Variants in HRH4 observed in about 807,000 individuals in gnomAD.
The protein encoded by HRH4 is histamine receptor H4.
A neutral mutation model predicts 10.4 loss-of-function variants in HRH4; 12 were observed. The observed-to-expected ratio is 1.15, with a 90% confidence interval of 0.74 to 1.87. HRH4 has a LOEUF of 1.87. Ranked by LOEUF, HRH4 falls within the 40% of genes most tolerant of loss-of-function variation. The pLI is 0.00. For missense variants in HRH4, 415 were observed against 453.3 expected, an observed-to-expected ratio of 0.92 and a Z score of 0.77; for synonymous variants, 154 against 166.6, an observed-to-expected ratio of 0.92 and a Z score of 0.58.
chr18:24,476,792 C>G lies in HRH4; in HGVS notation c.403C>G (p.Leu135Val). 1 of 1,614,162 alleles carries G rather than the reference C, an allele frequency of 6.2e-7. No individual in the cohort carries two copies. Among genetic ancestry groups the G allele is most frequent in the Non-Finnish European group, 8.5e-7 (1 of 1,180,024 alleles). The change falls in exon 3 of 3, where the codon CTG (leucine) becomes GTG (valine). Residue 135 changes from leucine (L) to valine (V), a missense_variant. Physicochemically the swap from Leu to Val is conservative, Grantham distance 32. Transcript: ENST00000256906. Reference protein sequence around the residue: ...QHTGVLKIVTLMVAVWVLAFL... With the variant: ...QHTGVLKIVTVMVAVWVLAFL... ...TACTGGGGTCTTGAAGATTGTTACT[C>G]TGATGGTGGCCGTTTGGGTGCTGGC...
rs1056644879 is a variant in HRH4 at position 24,478,275 on chromosome 18, G to A, written c.*713G>A. 4.6e-5 allele frequency: 7 copies of A among 152,174 alleles called. No individual in the cohort carries two copies. The highest frequency in any genetic ancestry group is 7.2e-5 in the African/African-American group (3 of 41,432). The allele number at this position is 152,174 out of a possible 1,614,324, so 9.4% of individuals were successfully genotyped here. ...TTCTCTTTTTCTAGCTTCCACATCA[G>A]CTTCCTTTTTTGAGAACATATAGAA... is the stretch of plus-strand genomic sequence containing the variant. On this transcript the variant is annotated 3_prime_UTR_variant, in exon 3 of 3. Coordinates refer to ENST00000256906, the MANE Select transcript of HRH4 (RefSeq NM_021624.4).
chr18:24,466,633 GTTCTGAAA>G (rs1909784552), intron 1 of HRH4, among the ~76,000 whole-genome samples: 1 of 152,128 alleles, frequency 6.6e-6, no homozygotes, highest in Admixed American at 6.5e-5. Flanking sequence ...CCTTCCACTG[GTTCTGAAA>G]CCATGCCATT....
intron 1 of HRH4, among the ~76,000 whole-genome samples, chr18:24,466,287 ATTTTT>A (rs398032181): frequency 1.5e-5 from 2 of 129,212 alleles, no homozygotes; most frequent in Non-Finnish European, 3.2e-5. Context: ...TAATTTTTGT[ATTTTT>A]TTTTTTTTTT....
chr18:24,471,174 C>G (rs1028343097), intron 2 of HRH4, among the ~76,000 whole-genome samples: 10 of 151,890 alleles, frequency 6.6e-5, no homozygotes, highest in African/African-American at 2.4e-4. Context: ...GCGGAGAGTG[C>G]AGATCAGCTT....
At chr18:24,465,340 C>T (rs1465682832) in intron 1 of HRH4, among the ~76,000 whole-genome samples, 2 of 151,858 alleles carry the variant, frequency 1.3e-5, no homozygotes, top group African/African-American at 2.4e-5. Flanking sequence ...CAGAAGGCGC[C>T]CTTGGGGGAA....
intron 1 of HRH4, among the ~76,000 whole-genome samples, chr18:24,468,422 T>G (rs1033634777): frequency 2.0e-5 from 3 of 152,230 alleles, no homozygotes; most frequent in African/African-American, 7.2e-5. Flanking sequence ...GTTGTTATAC[T>G]GTAGTGTTTA....
intron 1 of HRH4, among the ~76,000 whole-genome samples, chr18:24,463,716 C>T (rs1357753393): frequency 1.3e-5 from 2 of 152,162 alleles, no homozygotes; most frequent in African/African-American, 4.8e-5. Context: ...AGAACTGGCC[C>T]TCTGCGGAGA....
intron 2 of HRH4, among the ~76,000 whole-genome samples, chr18:24,476,496 A>G (rs1303552841): frequency 6.6e-6 from 1 of 152,188 alleles, no homozygotes; most frequent in Admixed American, 6.6e-5. Flanking sequence ...ACTGGCCTTG[A>G]CATTTTCTAT....
At chr18:24,469,828 C>CG (rs1474120631) in intron 2 of HRH4, among the ~76,000 whole-genome samples, 1 of 151,994 alleles carries the variant, frequency 6.6e-6, no homozygotes, top group Non-Finnish European at 1.5e-5. Flanking sequence ...CTGCGTGTCG[C>CG]GGGGGTTTTG....
intron 1 of HRH4, among the ~76,000 whole-genome samples, chr18:24,461,728 C>T (rs1226678811): frequency 1.3e-5 from 2 of 151,098 alleles, no homozygotes; most frequent in Non-Finnish European, 2.9e-5. Context: ...AGTTCATTCC[C>T]TGGAATACAG....
In HRH4 at chr18:24,473,814, G is replaced by A. The variant is rs534291884; in HGVS notation, c.358-2933G>A. 1.2e-4 allele frequency among the ~76,000 whole-genome samples: 18 copies of A among 152,156 alleles called. No homozygotes were observed. The South Asian group carries it at 2.3e-3, about 19-fold the overall frequency. On this transcript the variant is annotated intron_variant, in intron 2 of 2. Coordinates refer to ENST00000256906, the MANE Select transcript of HRH4 (RefSeq NM_021624.4). ...ACCAACAAGTTCTAGTAGGCCGCTC[G>A]GCCTCACCAAAAAAACCTGATTGAC...
At chr18:24,463,967 G>A (rs1359075292) in intron 1 of HRH4, among the ~76,000 whole-genome samples, 1 of 152,132 alleles carries the variant, frequency 6.6e-6, no homozygotes, top group Non-Finnish European at 1.5e-5. Context: ...TTGTGTTGGC[G>A]TTTGTGGCCT....
chr18:24,470,770 C>T (rs1747005687), intron 2 of HRH4, among the ~76,000 whole-genome samples: 1 of 151,286 alleles, frequency 6.6e-6, no homozygotes. Context: ...TCCCAAAGTG[C>T]TGGGATTACA....
At chr18:24,465,505 C>G (rs577696306) in intron 1 of HRH4, among the ~76,000 whole-genome samples, 1 of 152,166 alleles carries the variant, frequency 6.6e-6, no homozygotes, top group East Asian at 1.9e-4. Context: ...TTTTCTTTTA[C>G]TTTTGTCTTA....
Position 24,477,474 on chromosome 18 carries a change from A to G in HRH4, c.1085A>G (p.His362Arg), listed in dbSNP as rs759476238. 15 of 1,612,738 alleles carry G rather than the reference A, an allele frequency of 9.3e-6. No individual in the cohort carries two copies. The highest frequency in any genetic ancestry group is 8.0e-5 in the African/African-American group (6 of 74,840). Residue 362 changes from histidine to arginine, a missense_variant, in exon 3 of 3, where the codon CAC becomes CGC. Coordinates refer to ENST00000256906, the MANE Select transcript of HRH4 (RefSeq NM_021624.4). ...AATCCTCTTTTGTATCCATTGTGTC[A>G]CAAGCGCTTTCAAAAGGCTTTCTTG... ...FVNPLLYPLC[H>R]KRFQKAFLKI...
rs985425265 is a variant in HRH4 at position 24,479,284 on chromosome 18, G to T, written c.*1722G>T. On this transcript the variant is annotated 3_prime_UTR_variant, in exon 3 of 3. Transcript: ENST00000256906. ...ACACCACAATAATTATTGCCTGTAT[G>T]TCAATTATTATTTTAAAATATTGTT... is the stretch of plus-strand genomic sequence containing the variant. 1 of 152,070 alleles carries T rather than the reference G, an allele frequency of 6.6e-6. No homozygotes were observed. The highest frequency in any genetic ancestry group is 2.4e-5 in the African/African-American group (1 of 41,406). 9.4% of individuals were successfully genotyped at this position (152,070 alleles called of 1,614,324 possible).
At chr18:24,464,724 A>G (rs568708614) in intron 1 of HRH4, among the ~76,000 whole-genome samples, 1 of 152,250 alleles carries the variant, frequency 6.6e-6, no homozygotes, top group South Asian at 2.1e-4. Flanking sequence ...TCATCCAACA[A>G]TTATTTCTTT....
At chr18:24,475,802 G>A (rs561754289) in intron 2 of HRH4, among the ~76,000 whole-genome samples, 5 of 152,248 alleles carry the variant, frequency 3.3e-5, no homozygotes, top group South Asian at 4.1e-4. Context: ...GAGGTCAGGA[G>A]TTTGAGACCA....
chr18:24,470,598 GGTTCAAGT>G (rs1909912142), intron 2 of HRH4, among the ~76,000 whole-genome samples: 1 of 149,038 alleles, frequency 6.7e-6, no homozygotes, highest in Admixed American at 6.8e-5. Context: ...CTGCCTCCCA[GGTTCAAGT>G]GATCCTCCTG....
Sources: gnomAD v4.1 joint callset for allele counts (sites outside exome capture counted in the v4.1 genomes callset) on GRCh38, gnomAD v4.1.1 for gene constraint, MANE v1.5 for transcripts, NCBI Gene and HGNC (gene_info 2026-07-23, HGNC 2026-07-21) for gene names.